MBP: variants seen among roughly 807,000 people sequenced by gnomAD.
MBP encodes myelin basic protein.
A neutral mutation model predicts 35.8 loss-of-function variants in MBP; 16 were observed. The observed-to-expected ratio is 0.45, with a 90% CI of 0.30 to 0.68. The LOEUF (loss-of-function observed/expected upper bound fraction) is 0.68, where lower values mean the gene tolerates loss of function less well. MBP is among the 30% of genes least tolerant of loss of function. The pLI, the probability that MBP is intolerant of heterozygous loss-of-function variation, is 0.08. For missense variants in MBP, 380 were observed against 404.7 expected, an observed-to-expected ratio of 0.94 and a Z score of 0.52; for synonymous variants, 143 against 159.6, an observed-to-expected ratio of 0.90 and a Z score of 0.78.
chr18:77,106,672 C>T (rs372340686), intron 1 of MBP, among the ~76,000 whole-genome samples: 31 of 152,262 alleles, frequency 2.0e-4, no homozygotes, highest in East Asian at 1.5e-3. Flanking sequence ...AAATCAAAGA[C>T]GCGGTTCTAG....
intron 3 of MBP, among the ~76,000 whole-genome samples, chr18:77,055,585 T>TTCTC (rs138095026): frequency 6.6e-5 from 10 of 151,166 alleles, no homozygotes; most frequent in Middle Eastern, 3.4e-3. Context: ...TTCTCTTTCT[T>TTCTC]TCTCTCTCTC....
upstream of MBP, among the ~76,000 whole-genome samples, chr18:77,133,316 T>A (rs1977347590): frequency 6.6e-6 from 1 of 151,770 alleles, no homozygotes; most frequent in African/African-American, 2.4e-5. Flanking sequence ...TGGCAGGTGC[T>A]CCTCTGGGAG....
chr18:76,993,568 AC>A (rs1218580876), intron 4 of MBP, among the ~76,000 whole-genome samples: 226 of 151,074 alleles, frequency 1.5e-3, no homozygotes, highest in African/African-American at 5.0e-3. Flanking sequence ...AAAAAAAAAA[AC>A]AAAAGATCCC....
At chr18:77,075,569 AT>A (rs1974617370) in intron 2 of MBP, among the ~76,000 whole-genome samples, 1 of 152,194 alleles carries the variant, frequency 6.6e-6, no homozygotes, top group African/African-American at 2.4e-5. Context: ...TGATTTTGAT[AT>A]GCAAGCCCCT....
chr18:77,007,528 T>A lies in MBP; in HGVS notation c.576+9304A>T, dbSNP rs190273854. On this transcript the variant is annotated intron_variant, in intron 4 of 8. Transcript: ENST00000355994. ...CACGCATCCCTGGGAGGGTTCTCTGTCCATTAAGAGCAACGCTGGGAGCCC... is the reference window on the plus strand; with the variant it reads ...CACGCATCCCTGGGAGGGTTCTCTGACCATTAAGAGCAACGCTGGGAGCCC... Among the ~76,000 whole-genome samples the A allele has an allele frequency of 4.6e-3, 707 of 152,284 alleles. 2 individuals are homozygous for A. The highest frequency in any genetic ancestry group is 0.01 in the Middle Eastern group (3 of 294).
intron 2 of MBP, among the ~76,000 whole-genome samples, chr18:77,077,646 C>T (rs1020038633): frequency 6.6e-5 from 10 of 152,278 alleles, no homozygotes; most frequent in South Asian, 4.1e-4. Flanking sequence ...TGGGCCGGCC[C>T]GGGGCGGTGG....
At chr18:77,019,853 G>C (rs912842254) in intron 3 of MBP, among the ~76,000 whole-genome samples, 1 of 152,224 alleles carries the variant, frequency 6.6e-6, no homozygotes, top group South Asian at 2.1e-4. Context: ...CCCGGTGGCG[G>C]AAGCAGCAGG....
intron 2 of MBP, among the ~76,000 whole-genome samples, chr18:77,074,314 CGGTCTCAAGGGGGTTCAGTGAGCCCG>C (rs1472036465): frequency 4.9e-4 from 74 of 149,898 alleles, no homozygotes; most frequent in East Asian, 1.2e-3. Context: ...CAGTGAGCCC[CGGTCTCAAGGGGGTTCAGTGAGCCCG>C]GGTCTCAAGG....
At chr18:77,037,517 T>G (rs906824255) in intron 3 of MBP, among the ~76,000 whole-genome samples, 5 of 152,196 alleles carry the variant, frequency 3.3e-5, no homozygotes, top group African/African-American at 1.2e-4. Flanking sequence ...GCTCTCCTCT[T>G]GAAGGTCTCT....
chr18:77,108,457 G>T (rs1341296883), intron 1 of MBP: 3 of 152,232 alleles, frequency 2.0e-5, no homozygotes, highest in Non-Finnish European at 2.9e-5. Context: ...CTGAGCTAGA[G>T]CTGTGGGAGG....
chr18:76,993,455 C>T (rs1970071896), intron 4 of MBP, among the ~76,000 whole-genome samples: 1 of 148,846 alleles, frequency 6.7e-6, no homozygotes, highest in Non-Finnish European at 1.5e-5. Context: ...GGGGCTGAGG[C>T]AGGAGAATTG....
In MBP at chr18:77,044,942, AGTGT is replaced by A. The variant is rs749744681; in HGVS notation, c.139+21352_139+21355del. On this transcript the variant is annotated intron_variant, in intron 3 of 8. Coordinates refer to ENST00000355994, the MANE Select transcript of MBP (RefSeq NM_001025101.2). The surrounding 1 kb of genome is among the most constrained non-coding windows in gnomAD (Gnocchi z 4.4). ...AAATGTGAGTCTGTGAGAGAACATG[AGTGT>A]GTGTGTGTAAGTGTGGTGTGTGAGT... Among the ~76,000 whole-genome samples, 80 of 125,108 alleles carry A rather than the reference AGTGT, an allele frequency of 6.4e-4. No individual in the cohort carries two copies. The highest frequency in any genetic ancestry group is 1.2e-3 in the Admixed American group (14 of 11,932). 82.1% of individuals were successfully genotyped at this position (125,108 alleles called of 152,430 possible). A position where few individuals can be genotyped will look rare whatever the true frequency, so the allele number is the denominator to read the frequency against.
chr18:77,113,418 G>A (rs943946640), intron 1 of MBP: 6 of 152,312 alleles, frequency 3.9e-5, no homozygotes, highest in Middle Eastern at 3.2e-3. Flanking sequence ...CTCCCACTCT[G>A]CCAACGCCTT....
intron 2 of MBP, among the ~76,000 whole-genome samples, chr18:77,085,539 G>T (rs1975189915): frequency 6.6e-6 from 1 of 152,146 alleles, no homozygotes; most frequent in South Asian, 2.1e-4. Flanking sequence ...TGCTCAGCTA[G>T]CGCGGAGCCA....
At chr18:77,049,891 G>C (rs550601346) in intron 3 of MBP, among the ~76,000 whole-genome samples, 1 of 152,042 alleles carries the variant, frequency 6.6e-6, no homozygotes, top group African/African-American at 2.4e-5. Flanking sequence ...TGTTGGCCAG[G>C]CTGGTCTTGA....
chr18:77,031,885 G>A (rs1230674822), intron 3 of MBP, among the ~76,000 whole-genome samples: 1 of 152,226 alleles, frequency 6.6e-6, no homozygotes, highest in South Asian at 2.1e-4. Flanking sequence ...CCCAGTGGGA[G>A]CCAGGGCTTT....
At chr18:77,067,856 T>TA (rs1395801965) in intron 2 of MBP, 1 of 512,360 alleles carries the variant, frequency 2.0e-6, no homozygotes, top group Non-Finnish European at 3.9e-6. Flanking sequence ...GCACAGCCAT[T>TA]AAGACCACCC....
rs776748753 is a variant in MBP at position 76,978,943 on chromosome 18, A to T, written c.*1484T>A. ...GGGTGCGGCCACGTATGGATCGCAG[A>T]GCCGACCTCAGCTCAGCGACGCAGA... On this transcript the variant is annotated 3_prime_UTR_variant, in exon 9 of 9. Transcript: ENST00000355994. 3.3e-5 allele frequency: 5 copies of T among 152,250 alleles called. No homozygotes were observed. The highest frequency in any genetic ancestry group is 7.3e-5 in the Non-Finnish European group (5 of 68,048). The allele number at this position is 152,250 out of a possible 1,614,324, so 9.4% of individuals were successfully genotyped here.
At chr18:77,069,005 T>C in intron 2 of MBP, 1 of 484,872 alleles carries the variant, frequency 2.1e-6, no homozygotes, top group Non-Finnish European at 4.1e-6. Context: ...CCCCCATGGC[T>C]TCCAGGCTCC....
Sources: allele counts gnomAD v4.1 joint callset (sites outside exome capture counted in the v4.1 genomes callset), GRCh38; gene constraint gnomAD v4.1.1; non-coding constraint Gnocchi (gnomAD v3.1); transcripts MANE v1.5; gene names NCBI Gene and HGNC (gene_info 2026-07-23, HGNC 2026-07-21).